Variants in SH2D4A observed in about 807,000 individuals in gnomAD.
SH2D4A encodes the protein SH2 domain-containing protein 4A.
Under a neutral mutation model 64.7 loss-of-function variants are expected in SH2D4A, and 70 were observed. That is an observed-to-expected ratio of 1.08 (90% CI 0.89 to 1.32). The LOEUF (loss-of-function observed/expected upper bound fraction) is 1.32. Among genes scored for constraint, SH2D4A ranks in the 40% most tolerant of loss-of-function variants. SH2D4A has a pLI of 0.00. For synonymous variants in SH2D4A, 268 were observed against 200.7 expected, an observed-to-expected ratio of 1.34 and a Z score of -2.83; for missense variants, 706 against 540.1, an observed-to-expected ratio of 1.31 and a Z score of -3.04.
intron 2 of SH2D4A, among the ~76,000 whole-genome samples, chr8:19,332,729 A>G (rs1016383482): frequency 7.0e-4 from 105 of 150,644 alleles, no homozygotes; most frequent in Non-Finnish European, 5.9e-4. Context: ...GGCAAAAAAC[A>G]TACCCCTAAT....
At position 19,334,695 on chromosome 8, in the gene SH2D4A, C is replaced by G; in HGVS notation, c.351C>G (p.His117Gln). Residue 117 changes from histidine to glutamine, a missense_variant, in exon 4 of 10, where the codon CAC becomes CAG. Coordinates refer to ENST00000265807, the MANE Select transcript of SH2D4A (RefSeq NM_022071.4). ...EQEAEEPRKT[H>Q]SEEFTNSLKT... ...TTTTGCCTCTCTTCAGAAAAACTCA[C>G]TCTGAAGAATTCACCAATAGCTTGA... The G allele has an allele frequency of 3.1e-6, 5 of 1,597,772 alleles. No homozygotes were observed. The highest frequency in any genetic ancestry group is 4.3e-6 in the Non-Finnish European group (5 of 1,175,208).
At chr8:19,379,724 T>C (rs549714506) in intron 8 of SH2D4A, among the ~76,000 whole-genome samples, 160 of 152,250 alleles carry the variant, frequency 1.1e-3, no homozygotes, top group African/African-American at 3.8e-3. Context: ...CCAGCACTTG[T>C]TATTTTTCTT....
At chr8:19,314,625 C>T (rs546119234) in intron 1 of SH2D4A, among the ~76,000 whole-genome samples, 46 of 152,306 alleles carry the variant, frequency 3.0e-4, no homozygotes, top group Non-Finnish European at 5.0e-4. Context: ...CGTGGCACCT[C>T]CCCCTTTCAA....
rs148714204 is a variant in SH2D4A, at chr8:19,332,985, G to T, written c.212G>T (p.Gly71Val). Residue 71 changes from glycine (G) to valine (V), a missense_variant, in exon 3 of 10, where the codon GGA (glycine) becomes GTA (valine). Physicochemically the swap from Gly to Val is moderately radical, Grantham distance 109. Coordinates refer to ENST00000265807, the MANE Select transcript of SH2D4A (RefSeq NM_022071.4). ...ENGKSVHWKL[G>V]ADKEVWVWVM... Reference sequence around the variant, plus strand: ...GGCAAATCGGTTCATTGGAAACTTGGAGCTGATAAGGAAGTCTGGGTATGG... The same window carrying T: ...GGCAAATCGGTTCATTGGAAACTTGTAGCTGATAAGGAAGTCTGGGTATGG... The T allele has an allele frequency of 2.5e-6, 4 of 1,613,230 alleles. No individual in the cohort carries two copies. Among genetic ancestry groups the T allele is most frequent in the Non-Finnish European group, 3.4e-6 (4 of 1,179,862 alleles).
intron 2 of SH2D4A, among the ~76,000 whole-genome samples, chr8:19,328,834 A>G (rs2052325736): frequency 6.6e-6 from 1 of 152,224 alleles, no homozygotes; most frequent in African/African-American, 2.4e-5. Flanking sequence ...TTACTATAGA[A>G]GGAACTCAGG....
At chr8:19,350,685 T>C (rs765108966) in intron 4 of SH2D4A, among the ~76,000 whole-genome samples, 1 of 152,162 alleles carries the variant, frequency 6.6e-6, no homozygotes, top group Non-Finnish European at 1.5e-5. Context: ...GGTTTCACCA[T>C]GTTGCCCAGG....
At chr8:19,358,334 C>T (rs1033270677) in intron 5 of SH2D4A, among the ~76,000 whole-genome samples, 4 of 152,118 alleles carry the variant, frequency 2.6e-5, no homozygotes, top group Admixed American at 6.6e-5. Context: ...AGCTTATATT[C>T]TTCATGGGAG....
In SH2D4A at chr8:19,385,578, G is replaced by A. The variant is rs1271647321; in HGVS notation, c.1049-7740G>A. 2.6e-5 allele frequency among the ~76,000 whole-genome samples: 4 copies of A among 152,100 alleles called. No homozygotes were observed. The South Asian group carries it at 6.2e-4, about 24-fold the overall frequency. On this transcript the variant is annotated intron_variant, in intron 8 of 9. Coordinates refer to ENST00000265807, the MANE Select transcript of SH2D4A (RefSeq NM_022071.4). ...TCAGAGGGTCACTCTGAACCTCTTG[G>A]AGGTATTCTCTGGAATTGTTGTTCC...
At position 19,348,850 on chromosome 8, in the gene SH2D4A, T is replaced by C. The variant is rs1307233420; in HGVS notation, c.514-8353T>C. Among the ~76,000 whole-genome samples, 4 of 152,168 alleles carry C rather than the reference T, an allele frequency of 2.6e-5. No individual in the cohort carries two copies. In the East Asian group the frequency reaches 7.7e-4, roughly 29 times the overall value. ...AGGCGGGGTTGAGAAGCCTGCATAC[T>C]ACCCCAGAGTAGATACCTCGTTCCT... On this transcript the variant is annotated intron_variant, in intron 4 of 9. Transcript: ENST00000265807.
chr8:19,339,495 CT>C (rs5889867), intron 4 of SH2D4A, among the ~76,000 whole-genome samples: 5 of 128,994 alleles, frequency 3.9e-5, no homozygotes, highest in African/African-American at 1.2e-4. Flanking sequence ...TATAAACTTT[CT>C]TTTTTTTTTT....
rs993124949 is a variant in SH2D4A at position 19,332,837 on chromosome 8, C to G, written c.182-118C>G. 2.4e-4 allele frequency: 201 copies of G among 848,986 alleles called. 1 individual carries two copies. The highest frequency in any genetic ancestry group is 3.1e-4 in the Non-Finnish European group (182 of 592,696). The allele number at this position is 848,986 out of a possible 1,614,324, so 52.6% of individuals were successfully genotyped here. On this transcript the variant is annotated intron_variant, in intron 2 of 9. Transcript: ENST00000265807. The stretch of plus-strand genomic sequence containing the variant: ...CTGAGCAGTTGGAAGTTCTTTGTCT[C>G]ATCTGATATATATATATATATTTTC...
At chr8:19,337,113 G>A (rs573417954) in intron 4 of SH2D4A, among the ~76,000 whole-genome samples, 3 of 152,172 alleles carry the variant, frequency 2.0e-5, no homozygotes, top group African/African-American at 7.2e-5. Context: ...TCAGATAGAA[G>A]GAATATGGAA....
intron 7 of SH2D4A, among the ~76,000 whole-genome samples, chr8:19,370,276 T>G (rs912435493): frequency 1.3e-5 from 2 of 152,054 alleles, no homozygotes; most frequent in Admixed American, 6.6e-5. Flanking sequence ...AGGTACATTC[T>G]AGAGTGTGGT....
intron 7 of SH2D4A, among the ~76,000 whole-genome samples, chr8:19,371,824 C>T (rs1273468095): frequency 6.6e-6 from 1 of 152,004 alleles, no homozygotes; most frequent in Non-Finnish European, 1.5e-5. Flanking sequence ...ACTGTTGAAA[C>T]CCTCTATTGC....
chr8:19,345,747 G>A (rs911264261), intron 4 of SH2D4A, among the ~76,000 whole-genome samples: 1 of 152,168 alleles, frequency 6.6e-6, no homozygotes, highest in Non-Finnish European at 1.5e-5. Context: ...GCCAAACCAC[G>A]CAATCTGTAG....
At chr8:19,361,152 C>CT (rs745922179) in intron 5 of SH2D4A, 51 bp from the exon 6 acceptor site, 2 of 1,116,194 alleles carry the variant, frequency 1.8e-6, no homozygotes, top group East Asian at 2.6e-5. Context: ...CACCAAGGTT[C>CT]TTTTTTTGTT....
At position 19,337,922 on chromosome 8, in the gene SH2D4A, G is replaced by A. The variant is rs542819887; in HGVS notation, c.513+3065G>A. On this transcript the variant is annotated intron_variant, in intron 4 of 9. Coordinates refer to ENST00000265807, the MANE Select transcript of SH2D4A (RefSeq NM_022071.4). ...AAACCATATCAGACAGAAACACTGA[G>A]AAGAAGGCCGAGTGAAGAAAGAGGC... Among the ~76,000 whole-genome samples, 8 of 152,288 alleles carry A rather than the reference G, an allele frequency of 5.3e-5. No homozygotes were observed. The East Asian group carries it at 1.5e-3, about 29-fold the overall frequency.
Position 19,393,649 on chromosome 8 carries a change from G to A in SH2D4A, c.1272+108G>A, listed in dbSNP as rs1031502102. 3 of 1,030,662 alleles carry A rather than the reference G, an allele frequency of 2.9e-6. No homozygotes were observed. In the South Asian group the frequency reaches 4.6e-5, roughly 16 times the overall value. The allele number at this position is 1,030,662 out of a possible 1,614,324, so 63.8% of individuals were successfully genotyped here. On this transcript the variant is annotated intron_variant, in intron 9 of 9. Coordinates refer to ENST00000265807, the MANE Select transcript of SH2D4A (RefSeq NM_022071.4). ...AGGACTGAGACAAGTACTGGGGAGGGGACAGGGGTGGGGGCTTGTCTTTGA... is the reference window on the plus strand; with the variant it reads ...AGGACTGAGACAAGTACTGGGGAGGAGACAGGGGTGGGGGCTTGTCTTTGA...
intron 2 of SH2D4A, among the ~76,000 whole-genome samples, chr8:19,330,955 G>A (rs1416245871): frequency 6.6e-6 from 1 of 152,210 alleles, no homozygotes; most frequent in Admixed American, 6.5e-5. Flanking sequence ...TGGCACTGGT[G>A]CCCAGCCCCA....
Sources: gnomAD v4.1 joint callset for allele counts (sites outside exome capture counted in the v4.1 genomes callset) on GRCh38, gnomAD v4.1.1 for gene constraint, MANE v1.5 for transcripts, NCBI Gene and HGNC (gene_info 2026-07-23, HGNC 2026-07-21) for gene names.